Variants in TNFRSF19 observed in about 807,000 individuals in gnomAD.
TNFRSF19 encodes the protein tumor necrosis factor receptor superfamily member 19.
TNFRSF19 carries 27 observed loss-of-function variants against 46.4 expected under a neutral mutation model. That is an observed-to-expected ratio of 0.58 (90% CI 0.43 to 0.80). The LOEUF is 0.80. Ranked by LOEUF, TNFRSF19 falls within the 30% of genes least tolerant of loss-of-function variation. TNFRSF19 has a pLI of 0.00. For missense variants in TNFRSF19, 511 were observed against 530.8 expected (o/e 0.96, Z 0.37); for synonymous variants, 204 against 205.0 (o/e 1.00, Z 0.04).
At chr13:23,629,281 GC>G (rs928536405) in intron 5 of TNFRSF19, among the ~76,000 whole-genome samples, 3 of 152,204 alleles carry the variant, frequency 2.0e-5, no homozygotes, top group African/African-American at 7.2e-5. Flanking sequence ...ACCAGGAGTA[GC>G]CCTCCCTGGG....
At chr13:23,639,621 T>G (rs2138332905) in intron 5 of TNFRSF19, among the ~76,000 whole-genome samples, 1 of 152,310 alleles carries the variant, frequency 6.6e-6, no homozygotes, top group South Asian at 2.1e-4. Context: ...TGCTTGGTGC[T>G]TCTTCCCTAG....
In TNFRSF19 at chr13:23,660,469, C is replaced by T. The variant is rs781269088; in HGVS notation, c.715C>T (p.Arg239Cys). The T allele has an allele frequency of 5.0e-6, 8 of 1,613,190 alleles. No individual in the cohort carries two copies. The highest frequency in any genetic ancestry group is 2.7e-5 in the African/African-American group (2 of 74,866). Residue 239 changes from arginine (R) to cysteine (C), a missense_variant, in exon 7 of 10, where the codon CGT (arginine) becomes TGT (cysteine). Physicochemically the swap from Arg to Cys is radical, Grantham distance 180. This residue lies in a region of TNFRSF19 where 376 missense variants were observed against 372.7 expected (regional missense o/e 1.01). Coordinates refer to ENST00000248484, the MANE Select transcript of TNFRSF19 (RefSeq NM_148957.4). ...YAHRACCQCR[R>C]DSVQTCGPVR... ...CCACAGAGCCTGCTGCCAGTGCCGCCGTGACTCAGTGCAGACCTGCGGTAA... is the reference window on the plus strand; with the variant it reads ...CCACAGAGCCTGCTGCCAGTGCCGCTGTGACTCAGTGCAGACCTGCGGTAA...
At chr13:23,582,166 G>A (rs1001183359) in intron 1 of TNFRSF19, among the ~76,000 whole-genome samples, 1 of 150,570 alleles carries the variant, frequency 6.6e-6, no homozygotes, top group African/African-American at 2.5e-5. Flanking sequence ...GGATCAGGTG[G>A]TCAGGAGATC....
intron 4 of TNFRSF19, among the ~76,000 whole-genome samples, chr13:23,626,187 C>CTTTG (rs71185087): frequency 6.9e-6 from 1 of 145,468 alleles, no homozygotes. Flanking sequence ...TCTTTAAAAT[C>CTTTG]TGTGTGTGTG....
intron 1 of TNFRSF19, among the ~76,000 whole-genome samples, chr13:23,571,646 T>C (rs1161992486): frequency 6.6e-6 from 1 of 152,154 alleles, no homozygotes; most frequent in Non-Finnish European, 1.5e-5. Flanking sequence ...TAATCAACAG[T>C]TATTATGTTA....
At chr13:23,572,980 A>T (rs900687468) in intron 1 of TNFRSF19, among the ~76,000 whole-genome samples, 1 of 152,214 alleles carries the variant, frequency 6.6e-6, no homozygotes, top group African/African-American at 2.4e-5. Flanking sequence ...ATATGACCTC[A>T]AGAGAGTTTC....
intron 4 of TNFRSF19, among the ~76,000 whole-genome samples, chr13:23,625,579 C>T (rs958782950): frequency 9.9e-5 from 15 of 152,066 alleles, no homozygotes; most frequent in Non-Finnish European, 2.1e-4. Context: ...CCACCTGCCT[C>T]GGCCTCCCAA....
chr13:23,575,363 T>G (rs765007747), intron 1 of TNFRSF19, among the ~76,000 whole-genome samples: 22 of 152,190 alleles, frequency 1.4e-4, no homozygotes, highest in Non-Finnish European at 3.1e-4. Flanking sequence ...TTCATATATA[T>G]TGGTTTACGC....
chr13:23,630,606 A>G lies in TNFRSF19; in HGVS notation c.445+3814A>G, dbSNP rs557340840. Among the ~76,000 whole-genome samples the G allele has an allele frequency of 7.9e-5, 12 of 152,280 alleles. No individual in the cohort carries two copies. In the East Asian group the frequency reaches 1.9e-3, roughly 24 times the overall value. On this transcript the variant is annotated intron_variant, in intron 5 of 9. Coordinates refer to ENST00000248484, the MANE Select transcript of TNFRSF19 (RefSeq NM_148957.4). ...CACTCCTGTAAACTGCAGATAAATAAAAGACACCCATTACATAGAAATGCC... is the reference window on the plus strand; with the variant it reads ...CACTCCTGTAAACTGCAGATAAATAGAAGACACCCATTACATAGAAATGCC...
chr13:23,630,321 A>AAAAT, intron 5 of TNFRSF19, among the ~76,000 whole-genome samples: 1 of 150,988 alleles, frequency 6.6e-6, no homozygotes, highest in African/African-American at 2.4e-5. Flanking sequence ...AAAAAAAAAA[A>AAAAT]AAAGGGTAAA....
rs189765432 is a variant in TNFRSF19, at chr13:23,605,549, C to T, written c.181-10318C>T. Among the ~76,000 whole-genome samples, 20 of 152,238 alleles carry T rather than the reference C, an allele frequency of 1.3e-4. No homozygotes were observed. In the East Asian group the frequency reaches 3.5e-3, roughly 26 times the overall value. On this transcript the variant is annotated intron_variant, in intron 3 of 9. Coordinates refer to ENST00000248484, the MANE Select transcript of TNFRSF19 (RefSeq NM_148957.4). ...GCAGGTTTGTTCATAATTATGAAGA[C>T]TTGAAAGCAACCCAGCGGTACTTTA...
intron 3 of TNFRSF19, among the ~76,000 whole-genome samples, chr13:23,604,831 A>T (rs1255755587): frequency 6.6e-6 from 1 of 152,170 alleles, no homozygotes; most frequent in Non-Finnish European, 1.5e-5. Context: ...CCTAACTCAA[A>T]ACAGGTCACA....
intron 5 of TNFRSF19, among the ~76,000 whole-genome samples, chr13:23,627,505 A>G (rs1018871622): frequency 2.6e-5 from 4 of 152,190 alleles, no homozygotes; most frequent in African/African-American, 9.6e-5. Context: ...TTTAATCCTA[A>G]GTACAAACCT....
intron 6 of TNFRSF19, among the ~76,000 whole-genome samples, 184 bp from the exon 7 acceptor site, chr13:23,660,181 A>G (rs1217208654): frequency 6.6e-6 from 1 of 152,262 alleles, no homozygotes; most frequent in Admixed American, 6.5e-5. Flanking sequence ...TAATGGCAAC[A>G]TTAGTACCCT....
chr13:23,665,433 T>C (rs1951611011), intron 7 of TNFRSF19, among the ~76,000 whole-genome samples: 1 of 152,216 alleles, frequency 6.6e-6, no homozygotes, highest in South Asian at 2.1e-4. Flanking sequence ...GCAGCTTATT[T>C]CAAATGTTTC....
chr13:23,612,515 CCTT>C (rs1407917008), intron 3 of TNFRSF19, among the ~76,000 whole-genome samples: 2 of 152,256 alleles, frequency 1.3e-5, no homozygotes, highest in South Asian at 2.1e-4. Flanking sequence ...CTTGGAATCA[CCTT>C]CTTTGAATTT....
chr13:23,642,216 A>G (rs1883074106), intron 5 of TNFRSF19, among the ~76,000 whole-genome samples: 1 of 152,218 alleles, frequency 6.6e-6, no homozygotes, highest in African/African-American at 2.4e-5. Context: ...CTATGGGGAC[A>G]CATGCATCAA....
chr13:23,647,839 C>T (rs942822287), intron 5 of TNFRSF19, among the ~76,000 whole-genome samples: 2 of 152,100 alleles, frequency 1.3e-5, no homozygotes, highest in African/African-American at 4.8e-5. Flanking sequence ...AAGAGGCTTC[C>T]CTTTCCCCAT....
intron 4 of TNFRSF19, 26 bp downstream of exon 4, chr13:23,616,071 G>C: frequency 6.4e-7 from 1 of 1,559,712 alleles, no homozygotes; most frequent in East Asian, 2.3e-5. Flanking sequence ...TCTTTCACTT[G>C]TAATTATTTA....
Sources: allele counts gnomAD v4.1 joint callset (sites outside exome capture counted in the v4.1 genomes callset), GRCh38; gene constraint gnomAD v4.1.1; regional missense constraint gnomAD v4.1.1; transcripts MANE v1.5; gene names NCBI Gene and HGNC (gene_info 2026-07-23, HGNC 2026-07-21).